EIF3D: variants seen among roughly 807,000 people sequenced by gnomAD.
EIF3D encodes the protein eIF3 p66.
In EIF3D, 10 loss-of-function variants were observed where a neutral mutation model predicts 75.4. That is an observed-to-expected ratio of 0.13 (90% CI 0.08 to 0.22). The LOEUF (loss-of-function observed/expected upper bound fraction) is 0.22, where lower values mean the gene tolerates loss of function less well. Ranked by LOEUF, EIF3D falls within the 10% of genes least tolerant of loss-of-function variation. EIF3D has a pLI of 1.00. For synonymous variants in EIF3D, 246 were observed against 248.3 expected (o/e 0.99, Z 0.09); for missense variants, 394 against 708.0 (o/e 0.56, Z 5.03).
chr22:36,521,658 G>T (rs1292844069), intron 6 of EIF3D, among the ~76,000 whole-genome samples: 4 of 152,150 alleles, frequency 2.6e-5, no homozygotes, highest in Non-Finnish European at 5.9e-5. Context: ...TGGGTGTGGT[G>T]CCTCACGCCT....
intron 1 of EIF3D, 162 bp downstream of exon 1, chr22:36,528,914 G>A (rs963679047): frequency 4.2e-5 from 8 of 189,382 alleles, no homozygotes; most frequent in Non-Finnish European, 6.5e-5. Flanking sequence ...GTAGCGTGCG[G>A]GACGCGGGGC....
chr22:36,519,291 CT>C, intron 8 of EIF3D, 113 bp downstream of exon 8: 3 of 1,463,318 alleles, frequency 2.1e-6, no homozygotes, highest in African/African-American at 2.8e-5. Context: ...TGGCAAAGTG[CT>C]TTTACCTATA....
chr22:36,514,041 A>G (rs889354321), intron 12 of EIF3D, among the ~76,000 whole-genome samples: 3 of 152,182 alleles, frequency 2.0e-5, no homozygotes, highest in African/African-American at 4.8e-5. Context: ...AGTGAAATCC[A>G]GGACAGATTC....
rs756595614 is a variant in EIF3D at position 36,511,656 on chromosome 22, C to T, written c.1480G>A (p.Val494Ile). Residue 494 changes from valine to isoleucine, a missense_variant, in exon 14 of 15, where the codon GTC becomes ATC. By Grantham distance (29) the Val-to-Ile change is conservative (BLOSUM62 3). Coordinates refer to ENST00000216190, the MANE Select transcript of EIF3D (RefSeq NM_003753.4). ...TCCAGCTTCATGCAGATGTCAATGA[C>T]GCAGCGTAAAATGCCCCAGGCATTC... ...VENAWGILRC[V>I]IDICMKLEEG... 22 of 1,613,960 alleles carry T rather than the reference C, an allele frequency of 1.4e-5. No homozygotes were observed. The highest frequency in any genetic ancestry group is 4.0e-5 in the African/African-American group (3 of 74,880).
In EIF3D at chr22:36,526,095, G is replaced by A; in HGVS notation, c.27C>T (p.Ile9=). 6.2e-7 allele frequency: 1 copy of A among 1,610,710 alleles called. No homozygotes were observed. The highest frequency in any genetic ancestry group is 8.5e-7 in the Non-Finnish European group (1 of 1,178,378). MAKFMTPV[I]QDNPSGWGPC... ...GACCCCAGCCTGAGGGGTTGTCCTGGATCACGGGTGTCATGAACTTTGCCA... is the reference window on the plus strand; with the variant it reads ...GACCCCAGCCTGAGGGGTTGTCCTGAATCACGGGTGTCATGAACTTTGCCA... The change falls in exon 2 of 15, where the codon ATC becomes ATT. Residue 9 remains isoleucine (I), a synonymous_variant. Coordinates refer to ENST00000216190, the MANE Select transcript of EIF3D (RefSeq NM_003753.4).
At chr22:36,521,773 G>GAAA (rs58996003) in intron 6 of EIF3D, among the ~76,000 whole-genome samples, 33 of 88,772 alleles carry the variant, frequency 3.7e-4, no homozygotes, top group South Asian at 7.7e-4. Flanking sequence ...CAAAACATAT[G>GAAA]AAAAAAAAAA....
intron 5 of EIF3D, among the ~76,000 whole-genome samples, chr22:36,523,575 C>G (rs909271705): frequency 1.3e-5 from 2 of 152,176 alleles, no homozygotes; most frequent in Non-Finnish European, 1.5e-5. Flanking sequence ...CCAGGAGGCT[C>G]AAAGGACCAG....
At chr22:36,525,261 T>G (rs1198894049) in intron 3 of EIF3D, among the ~76,000 whole-genome samples, 1 of 108,560 alleles carries the variant, frequency 9.2e-6, no homozygotes, top group Admixed American at 1.1e-4. Context: ...TTTTTTTTTT[T>G]GGAGACAGGA....
rs1394512017 is a variant in EIF3D, at chr22:36,512,711, G to A, written c.1207-109C>T. ...CCTAGTCTGCTTGCTTAGAAAGTGG[G>A]TAGGTACGCACTAAATCTTACCATT... is the stretch of plus-strand genomic sequence containing the variant. On this transcript the variant is annotated intron_variant, in intron 12 of 14. Transcript: ENST00000216190. 7 of 1,300,320 alleles carry A rather than the reference G, an allele frequency of 5.4e-6. No individual in the cohort carries two copies. In the East Asian group the frequency reaches 9.9e-5, roughly 18 times the overall value. The allele number at this position is 1,300,320 out of a possible 1,614,324, so 80.5% of individuals were successfully genotyped here. A position where few individuals can be genotyped will look rare whatever the true frequency, so the allele number is the denominator to read the frequency against.
At position 36,519,512 on chromosome 22, in the gene EIF3D, A is replaced by G; in HGVS notation, c.604T>C (p.Tyr202His). Residue 202 changes from tyrosine (Y) to histidine (H), a missense_variant, in exon 8 of 15, where the codon TAC becomes CAC. By Grantham distance (83) the Tyr-to-His change is moderately conservative (BLOSUM62 2). Transcript: ENST00000216190. ...GTGATGCGGTCAAAGGCTTTGTCGTAGTATTCTAGGGCCCCACAACACTCA... is the reference window on the plus strand; with the variant it reads ...GTGATGCGGTCAAAGGCTTTGTCGTGGTATTCTAGGGCCCCACAACACTCA... Reference protein sequence around the residue: ...DIECCGALEYYDKAFDRITTR... With the variant: ...DIECCGALEYHDKAFDRITTR... 1 of 1,614,182 alleles carries G rather than the reference A, an allele frequency of 6.2e-7. No individual in the cohort carries two copies. Among genetic ancestry groups the G allele is most frequent in the Non-Finnish European group, 8.5e-7 (1 of 1,180,026 alleles).
At chr22:36,528,921 G>A (rs980144697) in intron 1 of EIF3D, 155 bp downstream of exon 1, 2 of 196,170 alleles carry the variant, frequency 1.0e-5, no homozygotes, top group Non-Finnish European at 2.1e-5. Flanking sequence ...GCGGGACGCG[G>A]GGCCCCCGAA....
intron 12 of EIF3D, among the ~76,000 whole-genome samples, chr22:36,514,335 T>C (rs572349329): frequency 1.3e-5 from 2 of 150,096 alleles, no homozygotes; most frequent in African/African-American, 2.4e-5. Context: ...CCAGTGACCC[T>C]TGCCCTTGCA....
chr22:36,516,531 T>C lies in EIF3D; in HGVS notation c.1153A>G (p.Asn385Asp). The C allele has an allele frequency of 6.2e-7, 1 of 1,614,188 alleles. No individual in the cohort carries two copies. The highest frequency in any genetic ancestry group is 1.6e-4 in the Middle Eastern group (1 of 6,062). Residue 385 changes from asparagine to aspartate, a missense_variant, in exon 12 of 15, where the codon AAC (asparagine) becomes GAC (aspartate). Transcript: ENST00000216190. ...ATGTTGATGAAGGACACTTCCCCGT[T>C]GGCTCCAGTCATGACGCCATCGTGC... ...CEHDGVMTGA[N>D]GEVSFINIKT...
At chr22:36,525,904 AGG>A (rs1934590712) in intron 2 of EIF3D, 93 bp downstream of exon 2, 17 of 1,519,996 alleles carry the variant, frequency 1.1e-5, no homozygotes, top group Non-Finnish European at 1.5e-5. Flanking sequence ...TAAGAAATTC[AGG>A]AGTTAAGATT....
chr22:36,516,090 G>T, intron 12 of EIF3D: 1 of 170,382 alleles, frequency 5.9e-6, no homozygotes, highest in Non-Finnish European at 1.2e-5. Context: ...AGGTCAAAAA[G>T]AAGAGCGGCC....
At chr22:36,527,576 C>T (rs1934625656) in intron 1 of EIF3D, among the ~76,000 whole-genome samples, 1 of 152,328 alleles carries the variant, frequency 6.6e-6, no homozygotes, top group South Asian at 2.1e-4. Context: ...CGCGGTGGCT[C>T]ACGCCTGTAA....
chr22:36,516,529 G>T lies in EIF3D; in HGVS notation c.1155C>A (p.Asn385Lys). 1.2e-6 allele frequency: 2 copies of T among 1,614,152 alleles called. No individual in the cohort carries two copies. The highest frequency in any genetic ancestry group is 1.7e-6 in the Non-Finnish European group (2 of 1,180,026). ...CEHDGVMTGA[N>K]GEVSFINIKT... Reference sequence around the variant, plus strand: ...TGATGTTGATGAAGGACACTTCCCCGTTGGCTCCAGTCATGACGCCATCGT... The same window carrying T: ...TGATGTTGATGAAGGACACTTCCCCTTTGGCTCCAGTCATGACGCCATCGT... The change falls in exon 12 of 15, where the codon AAC (asparagine) becomes AAA (lysine). Residue 385 changes from asparagine (N) to lysine (K), a missense_variant. Physicochemically the swap from Asn to Lys is moderately conservative, Grantham distance 94. Coordinates refer to ENST00000216190, the MANE Select transcript of EIF3D (RefSeq NM_003753.4).
rs936386400 is a variant in EIF3D, at chr22:36,519,671, G to C, written c.579-134C>G. 12 of 1,242,580 alleles carry C rather than the reference G, an allele frequency of 9.7e-6. No homozygotes were observed. The African/African-American group carries it at 1.8e-4, about 19-fold the overall frequency. 77.0% of individuals were successfully genotyped at this position (1,242,580 alleles called of 1,614,324 possible). ...AGCAATCTCTGGCCAGAGCAGGAGA[G>C]ACGAATCCTCAGTGCTTGCTCAGTT... On this transcript the variant is annotated intron_variant, in intron 7 of 14. Coordinates refer to ENST00000216190, the MANE Select transcript of EIF3D (RefSeq NM_003753.4).
At chr22:36,526,453 C>G (rs1224606497) in intron 1 of EIF3D, among the ~76,000 whole-genome samples, 1 of 152,030 alleles carries the variant, frequency 6.6e-6, no homozygotes, top group Non-Finnish European at 1.5e-5. Context: ...TTTTCTTTTT[C>G]TGTGTTACAT....
Sources: allele counts gnomAD v4.1 joint callset (sites outside exome capture counted in the v4.1 genomes callset), GRCh38; gene constraint gnomAD v4.1.1; transcripts MANE v1.5; gene names NCBI Gene and HGNC (gene_info 2026-07-23, HGNC 2026-07-21).